The following HFM1 variants were observed in gnomAD, a reference collection of about 807,000 sequenced individuals.
The protein encoded by HFM1 is probable ATP-dependent DNA helicase HFM1.
A neutral mutation model predicts 192.1 loss-of-function variants in HFM1; 169 were observed. The ratio of observed to expected loss-of-function variants is 0.88; its 90% CI spans 0.78 to 1.00. The LOEUF (loss-of-function observed/expected upper bound fraction) is 1.00. HFM1 is among the 50% of genes least tolerant of loss of function. The pLI is 0.00. For missense variants in HFM1, 1,661 were observed against 1,668.0 expected, an observed-to-expected ratio of 1.00 and a Z score of 0.07; for synonymous variants, 525 against 537.8, an observed-to-expected ratio of 0.98 and a Z score of 0.33.
At chr1:91,384,747 CTTT>C (rs11295340) in intron 6 of HFM1, among the ~76,000 whole-genome samples, 16 of 134,568 alleles carry the variant, frequency 1.2e-4, no homozygotes, top group Non-Finnish European at 1.5e-4. Context: ...ACACATACAT[CTTT>C]TTTTTTTTTT....
chr1:91,338,138 C>T (rs1373495375), intron 20 of HFM1, among the ~76,000 whole-genome samples: 1 of 152,142 alleles, frequency 6.6e-6, no homozygotes, highest in Non-Finnish European at 1.5e-5. Context: ...CCTCTGGAAT[C>T]TTAGCTGCAG....
intron 13 of HFM1, among the ~76,000 whole-genome samples, chr1:91,354,294 A>AG (rs2101761066): frequency 6.6e-6 from 1 of 152,044 alleles, no homozygotes; most frequent in East Asian, 1.9e-4. Context: ...GGGAAAAAAA[A>AG]GAAAGAGAAA....
At chr1:91,315,486 T>C (rs1020036113) in intron 28 of HFM1, among the ~76,000 whole-genome samples, 1 of 152,154 alleles carries the variant, frequency 6.6e-6, no homozygotes, top group African/African-American at 2.4e-5. Context: ...GGAGAAAGAC[T>C]GCATCCAAAC....
At chr1:91,381,761 G>T (rs1297900455) in intron 6 of HFM1, among the ~76,000 whole-genome samples, 1 of 152,122 alleles carries the variant, frequency 6.6e-6, no homozygotes, top group Non-Finnish European at 1.5e-5. Flanking sequence ...TCCTACAATT[G>T]AGACTGTTAT....
intron 30 of HFM1, among the ~76,000 whole-genome samples, chr1:91,304,954 C>T (rs1471161902): frequency 6.6e-6 from 1 of 151,136 alleles, no homozygotes; most frequent in African/African-American, 2.4e-5. Context: ...GTTTTGGCAT[C>T]CTTGTCAAAA....
intron 13 of HFM1, among the ~76,000 whole-genome samples, chr1:91,363,344 AC>A: frequency 8.1e-3 from 1 of 124 alleles, no homozygotes; most frequent in Non-Finnish European, 0.014. Flanking sequence ...AAGAAAAAAA[AC>A]AAACAACCCC....
chr1:91,307,258 G>GCTTGTAT (rs1428754739), intron 30 of HFM1, among the ~76,000 whole-genome samples: 1 of 151,978 alleles, frequency 6.6e-6, no homozygotes, highest in African/African-American at 2.4e-5. Flanking sequence ...TGAGATGCAA[G>GCTTGTAT]CTTGTATTTT....
chr1:91,286,949 C>T (rs550369684), intron 30 of HFM1, among the ~76,000 whole-genome samples: 100 of 152,300 alleles, frequency 6.6e-4, no homozygotes, highest in African/African-American at 2.3e-3. Flanking sequence ...TGCGCTTTTC[C>T]GACGGGCTTA....
intron 13 of HFM1, among the ~76,000 whole-genome samples, chr1:91,364,632 A>AT (rs61550398): frequency 0.08 from 5,327 of 66,506 alleles, 414 homozygotes; most frequent in Middle Eastern, 0.15. Flanking sequence ...ATATATATAT[A>AT]TTTTTTTTTT....
chr1:91,323,027 T>C, intron 22 of HFM1, 30 bp from the exon 23 acceptor site: 1 of 1,330,520 alleles, frequency 7.5e-7, no homozygotes, highest in Non-Finnish European at 1.0e-6. Context: ...GCAAAACATT[T>C]ATTATTATTT....
intron 3 of HFM1, 26 bp downstream of exon 3, chr1:91,396,267 T>C (rs1180255949): frequency 1.6e-6 from 2 of 1,216,746 alleles, no homozygotes; most frequent in African/African-American, 3.0e-5. Flanking sequence ...TGGGTTTGGC[T>C]TCAAAACAAA....
chr1:91,333,812 C>T (rs1654175424), intron 20 of HFM1, among the ~76,000 whole-genome samples: 1 of 152,030 alleles, frequency 6.6e-6, no homozygotes, highest in Admixed American at 6.6e-5. Context: ...TGTAATGCCA[C>T]CAGGCACAAA....
At chr1:91,266,215 G>A in intron 35 of HFM1, 108 bp from the exon 36 acceptor site, 1 of 803,028 alleles carries the variant, frequency 1.2e-6, no homozygotes, top group South Asian at 1.8e-5. Flanking sequence ...GATTAAGGAA[G>A]GAATGAATAA....
intron 25 of HFM1, among the ~76,000 whole-genome samples, chr1:91,316,691 T>G (rs1651275944): frequency 6.6e-6 from 1 of 152,228 alleles, no homozygotes; most frequent in Non-Finnish European, 1.5e-5. Flanking sequence ...AATATGCATT[T>G]GCTTTATAAA....
intron 13 of HFM1, among the ~76,000 whole-genome samples, chr1:91,367,745 C>T (rs1659569955): frequency 6.6e-6 from 1 of 152,154 alleles, no homozygotes; most frequent in African/African-American, 2.4e-5. Flanking sequence ...TGGAACACAG[C>T]TGGACGGAGA....
At chr1:91,341,696 TAACA>T (rs1655357099) in intron 20 of HFM1, among the ~76,000 whole-genome samples, 1 of 150,556 alleles carries the variant, frequency 6.6e-6, no homozygotes, top group Non-Finnish European at 1.5e-5. Context: ...CTAGCTAGAA[TAACA>T]AACAAAAAAA....
intron 20 of HFM1, among the ~76,000 whole-genome samples, chr1:91,339,155 C>A (rs1161689539): frequency 1.3e-5 from 2 of 151,154 alleles, no homozygotes; most frequent in African/African-American, 2.4e-5. Context: ...GAACATCAGC[C>A]CAGACAGACG....
chr1:91,350,377 T>C (rs1656767195), intron 18 of HFM1, among the ~76,000 whole-genome samples: 1 of 152,014 alleles, frequency 6.6e-6, no homozygotes. Flanking sequence ...AAATAAACAG[T>C]CATAAACTCA....
intron 13 of HFM1, among the ~76,000 whole-genome samples, chr1:91,360,173 C>A (rs1658304783): frequency 6.6e-6 from 1 of 152,028 alleles, no homozygotes; most frequent in Non-Finnish European, 1.5e-5. Context: ...ATCATGATGA[C>A]AGGATCAAAT....
Sources: gnomAD v4.1 joint callset for allele counts (sites outside exome capture counted in the v4.1 genomes callset) on GRCh38, gnomAD v4.1.1 for gene constraint, MANE v1.5 for transcripts, NCBI Gene and HGNC (gene_info 2026-07-23, HGNC 2026-07-21) for gene names.